U2AF2: variants seen among roughly 807,000 people sequenced by gnomAD.
U2AF2 encodes the protein U2 small nuclear RNA auxiliary factor 2, also known as splicing factor U2AF 65 kDa subunit.
Under a neutral mutation model 52.6 loss-of-function variants are expected in U2AF2, and 6 were observed. The ratio of observed to expected loss-of-function variants is 0.11; its 90% CI spans 0.06 to 0.23. The LOEUF (loss-of-function observed/expected upper bound fraction) is 0.23, where lower values mean the gene tolerates loss of function less well. Ranked by LOEUF, U2AF2 falls within the 10% of genes least tolerant of loss-of-function variation. The pLI, the probability that U2AF2 is intolerant of heterozygous loss-of-function variation, is 1.00. For missense variants in U2AF2, 222 were observed against 677.1 expected, an observed-to-expected ratio of 0.33 and a Z score of 7.46; for synonymous variants, 284 against 258.2, an observed-to-expected ratio of 1.10 and a Z score of -0.96.
intron 7 of U2AF2, among the ~76,000 whole-genome samples, chr19:55,667,598 G>A (rs1984624008): frequency 6.6e-6 from 1 of 152,140 alleles, no homozygotes. Context: ...CGAAGACACT[G>A]GATCCTGCAT....
chr19:55,657,845 T>A (rs947813996), intron 1 of U2AF2, among the ~76,000 whole-genome samples: 1 of 152,174 alleles, frequency 6.6e-6, no homozygotes, highest in Non-Finnish European at 1.5e-5. Context: ...ACCTTGGTAA[T>A]TGTGATCTCT....
At position 55,674,280 on chromosome 19, in the gene U2AF2, C is replaced by T. The variant is rs796471281; in HGVS notation, c.*212C>T. The T allele has an allele frequency of 3.7e-6, 2 of 537,978 alleles. No individual in the cohort carries two copies. The highest frequency in any genetic ancestry group is 3.3e-5 in the East Asian group (1 of 30,236). The allele number at this position is 537,978 out of a possible 1,614,324, so 33.3% of individuals were successfully genotyped here. ...AGGGAGGGGACTGGGGAAGTGCGCA[C>T]ACAGCCCACACAGACAACACGCACC... On this transcript the variant is annotated 3_prime_UTR_variant, in exon 12 of 12. Transcript: ENST00000308924.
chr19:55,672,159 A>T (rs889892843), intron 11 of U2AF2: 2 of 151,654 alleles, frequency 1.3e-5, no homozygotes, highest in Non-Finnish European at 2.9e-5. Context: ...ACTGCATTGT[A>T]TTGTTTTATT....
At chr19:55,663,856 A>G in intron 7 of U2AF2, 112 bp downstream of exon 7, 1 of 1,484,012 alleles carries the variant, frequency 6.7e-7, no homozygotes, top group Non-Finnish European at 9.1e-7. Context: ...GTACTGTGGA[A>G]GATAGGTGCC....
In U2AF2 at chr19:55,661,029, C is replaced by T. The variant is rs767658732; in HGVS notation, c.335-9C>T. 4.2e-5 allele frequency: 66 copies of T among 1,571,136 alleles called. No homozygotes were observed. Among genetic ancestry groups the T allele is most frequent in the Middle Eastern group, 1.7e-4 (1 of 5,882 alleles). On this transcript the variant is annotated splice_polypyrimidine_tract_variant and intron_variant, in intron 4 of 11. Transcript: ENST00000308924. ...ATGGGGTTTTATCCGGCTTTTATTCCCTTTGAAGCTGCGGGTCAGATTCCA... is the reference window on the plus strand; with the variant it reads ...ATGGGGTTTTATCCGGCTTTTATTCTCTTTGAAGCTGCGGGTCAGATTCCA...
intron 2 of U2AF2, 48 bp from the exon 3 acceptor site, chr19:55,660,129 G>T: frequency 6.4e-7 from 1 of 1,573,820 alleles, no homozygotes; most frequent in Middle Eastern, 1.7e-4. Flanking sequence ...TGGGGAAGAC[G>T]AGGGTCCCCA....
intron 1 of U2AF2, chr19:55,658,818 T>C (rs1011284006): frequency 1.2e-5 from 2 of 173,602 alleles, no homozygotes. Flanking sequence ...GAGGGGTCGC[T>C]GGGTCCCTTC....
chr19:55,658,184 A>G (rs1983915670), intron 1 of U2AF2, among the ~76,000 whole-genome samples: 1 of 152,182 alleles, frequency 6.6e-6, no homozygotes, highest in African/African-American at 2.4e-5. Flanking sequence ...GCGTGTTAAC[A>G]TATATAAGCA....
intron 4 of U2AF2, 34 bp from the exon 5 acceptor site, chr19:55,661,004 A>G: frequency 1.3e-6 from 2 of 1,549,484 alleles, no homozygotes; most frequent in Admixed American, 1.8e-5. Context: ...CATTCCCCTG[A>G]TGGGGTTTTA....
intron 11 of U2AF2, among the ~76,000 whole-genome samples, chr19:55,670,221 C>T (rs1984806107): frequency 6.6e-6 from 1 of 152,046 alleles, no homozygotes; most frequent in South Asian, 2.1e-4. Flanking sequence ...GTTTCAGGTT[C>T]TCGGAGTCTG....
intron 1 of U2AF2, among the ~76,000 whole-genome samples, chr19:55,656,066 C>A (rs984734230): frequency 6.6e-6 from 1 of 152,158 alleles, no homozygotes; most frequent in Non-Finnish European, 1.5e-5. Context: ...GAGGCAGGTT[C>A]CCTTCAGGGT....
chr19:55,666,523 G>T (rs753123480), intron 7 of U2AF2, among the ~76,000 whole-genome samples: 4 of 152,214 alleles, frequency 2.6e-5, no homozygotes, highest in African/African-American at 4.8e-5. Flanking sequence ...CCTGTTGTGG[G>T]CATTGAGTCT....
At chr19:55,661,256 T>G in intron 5 of U2AF2, 67 bp downstream of exon 5, 6 of 1,381,756 alleles carry the variant, frequency 4.3e-6, no homozygotes, top group South Asian at 1.5e-5. Flanking sequence ...CTTCCCTCCA[T>G]TCCCTTTCCC....
intron 5 of U2AF2, 34 bp from the exon 6 acceptor site, chr19:55,662,468 C>T (rs376581442): frequency 8.6e-7 from 1 of 1,165,186 alleles, no homozygotes; most frequent in East Asian, 2.8e-5. Flanking sequence ...CTCCCTTCCC[C>T]CGCCCCCCCC....
intron 6 of U2AF2, among the ~76,000 whole-genome samples, chr19:55,663,180 C>G (rs1984328347): frequency 6.6e-6 from 1 of 152,014 alleles, no homozygotes; most frequent in African/African-American, 2.4e-5. Context: ...TGAGCACTCC[C>G]TCTCACTCTG....
At chr19:55,663,214 C>T (rs1243959499) in intron 6 of U2AF2, among the ~76,000 whole-genome samples, 2 of 152,308 alleles carry the variant, frequency 1.3e-5, no homozygotes, top group African/African-American at 4.8e-5. Context: ...GTCTTTGCCT[C>T]ACTGCAGTCC....
chr19:55,662,205 A>G, intron 5 of U2AF2: 1 of 296,438 alleles, frequency 3.4e-6, no homozygotes. Context: ...TTCTTGAACA[A>G]TCTTCTCCTT....
intron 1 of U2AF2, 108 bp from the exon 2 acceptor site, chr19:55,659,102 T>C (rs1454031877): frequency 7.3e-7 from 1 of 1,364,012 alleles, no homozygotes; most frequent in Non-Finnish European, 9.5e-7. Context: ...CCCTTCCCTT[T>C]GGGGGTGGCC....
At chr19:55,663,310 A>G (rs1181203597) in intron 6 of U2AF2, among the ~76,000 whole-genome samples, 1 of 151,542 alleles carries the variant, frequency 6.6e-6, no homozygotes, top group Non-Finnish European at 1.5e-5. Context: ...CGTTCAACTA[A>G]CCTTTCCCGT....
Sources: allele counts gnomAD v4.1 joint callset (sites outside exome capture counted in the v4.1 genomes callset), GRCh38; gene constraint gnomAD v4.1.1; transcripts MANE v1.5; gene names NCBI Gene and HGNC (gene_info 2026-07-23, HGNC 2026-07-21).